PELI2: variants seen among roughly 807,000 people sequenced by gnomAD.
PELI2 encodes pellino E3 ubiquitin protein ligase family member 2, also known as E3 ubiquitin-protein ligase pellino homolog 2.
PELI2 carries 23 observed loss-of-function variants against 42.3 expected under a neutral mutation model. That is an observed-to-expected ratio of 0.54 (90% CI 0.39 to 0.77). The LOEUF (loss-of-function observed/expected upper bound fraction) is 0.77. Ranked by LOEUF, PELI2 falls within the 30% of genes least tolerant of loss-of-function variation. The pLI, the probability that PELI2 is intolerant of heterozygous loss-of-function variation, is 0.00. For missense variants in PELI2, 463 were observed against 553.2 expected (o/e 0.84, Z 1.64); for synonymous variants, 245 against 212.2 (o/e 1.15, Z -1.34).
chr14:56,194,999 G>A (rs1253352803), intron 2 of PELI2, among the ~76,000 whole-genome samples: 1 of 152,156 alleles, frequency 6.6e-6, no homozygotes, highest in Admixed American at 6.5e-5. Flanking sequence ...TAATGAATGT[G>A]GGATAATTCA....
intron 2 of PELI2, among the ~76,000 whole-genome samples, chr14:56,242,748 A>T (rs903442454): frequency 2.0e-5 from 3 of 152,270 alleles, no homozygotes; most frequent in African/African-American, 7.2e-5. Flanking sequence ...GAAGTAACTC[A>T]GGAATGGAAA....
chr14:56,276,978 TATAA>T (rs1379253949), intron 2 of PELI2, among the ~76,000 whole-genome samples: 1 of 152,224 alleles, frequency 6.6e-6, no homozygotes, highest in Non-Finnish European at 1.5e-5. Flanking sequence ...ATGCTTTCGC[TATAA>T]ATACCCTTTT....
chr14:56,275,199 G>A (rs1257396043), intron 2 of PELI2, among the ~76,000 whole-genome samples: 1 of 152,088 alleles, frequency 6.6e-6, no homozygotes, highest in Non-Finnish European at 1.5e-5. Context: ...GAACAGAGGT[G>A]GCGACCTGCG....
intron 2 of PELI2, among the ~76,000 whole-genome samples, chr14:56,181,162 C>T (rs1427157599): frequency 1.3e-5 from 2 of 152,010 alleles, no homozygotes; most frequent in Non-Finnish European, 2.9e-5. Context: ...TTTGGATATA[C>T]TTCCTTATCT....
intron 2 of PELI2, among the ~76,000 whole-genome samples, chr14:56,183,835 A>G (rs753318324): frequency 1.3e-5 from 2 of 152,256 alleles, no homozygotes; most frequent in South Asian, 4.1e-4. Context: ...AATGAGAAAT[A>G]CTTACATGAA....
In PELI2 at chr14:56,184,926, A is replaced by G. The variant is rs558069707; in HGVS notation, c.207+6462A>G. ...GTAACAATTAACAGATGACTTGGAA[A>G]TGAGTCACATGATTTGATGAATGGT... On this transcript the variant is annotated intron_variant, in intron 2 of 5. Coordinates refer to ENST00000267460, the MANE Select transcript of PELI2 (RefSeq NM_021255.3). 8.5e-5 allele frequency among the ~76,000 whole-genome samples: 13 copies of G among 152,248 alleles called. No individual in the cohort carries two copies. In the South Asian group the frequency reaches 1.7e-3, roughly 19 times the overall value.
rs746040757 is a variant in PELI2 at position 56,296,603 on chromosome 14, G to A, written c.700G>A (p.Glu234Lys). 5 of 1,591,694 alleles carry A rather than the reference G, an allele frequency of 3.1e-6. No individual in the cohort carries two copies. In the East Asian group the frequency reaches 6.7e-5, roughly 21 times the overall value. Residue 234 changes from glutamate (E) to lysine (K), a missense_variant, in exon 6 of 6, where the codon GAA (glutamate) becomes AAA (lysine). Glu to Lys is a moderately conservative substitution (Grantham distance 56, BLOSUM62 1). Around this residue, in one of 3 missense-constraint regions of PELI2, gnomAD observed 343 missense variants for 378.4 expected, o/e 0.91. Coordinates refer to ENST00000267460, the MANE Select transcript of PELI2 (RefSeq NM_021255.3). ...ATGTGTCTCAAACTTGTTGTAGGTG[G>A]AAAGTGAGACCAACGTCCTGCAGGA... Reference protein sequence around the residue: ...RSAQQRGKLVESETNVLQDGS... With the variant: ...RSAQQRGKLVKSETNVLQDGS...
rs1042903932 is a variant in PELI2, at chr14:56,178,509, A to G, written c.207+45A>G. Reference sequence around the variant, plus strand: ...GTTGGGAGGGTGCTGGCAAACAGTGACTCACAGATACTCCTTGTCCGCTGC... The same window carrying G: ...GTTGGGAGGGTGCTGGCAAACAGTGGCTCACAGATACTCCTTGTCCGCTGC... On this transcript the variant is annotated intron_variant, in intron 2 of 5. Transcript: ENST00000267460. 4 of 1,597,536 alleles carry G rather than the reference A, an allele frequency of 2.5e-6. No homozygotes were observed. In the Admixed American group the frequency reaches 5.0e-5, roughly 20 times the overall value.
At chr14:56,164,183 A>G (rs1029188613) in intron 1 of PELI2, among the ~76,000 whole-genome samples, 1 of 152,114 alleles carries the variant, frequency 6.6e-6, no homozygotes, top group Non-Finnish European at 1.5e-5. Flanking sequence ...TGGGTCTGTC[A>G]TATATAGCTC....
intron 3 of PELI2, 75 bp downstream of exon 3, chr14:56,279,852 C>A: frequency 4.3e-6 from 3 of 693,038 alleles, no homozygotes; most frequent in Non-Finnish European, 5.0e-6. Context: ...GTAATCAGAT[C>A]TTCCAGCCCA....
intron 1 of PELI2, among the ~76,000 whole-genome samples, chr14:56,169,174 G>A (rs956586045): frequency 1.3e-5 from 2 of 152,138 alleles, no homozygotes; most frequent in African/African-American, 4.8e-5. Context: ...AACACTCCCT[G>A]GGCTGTTCCA....
At chr14:56,262,922 T>A (rs985896000) in intron 2 of PELI2, among the ~76,000 whole-genome samples, 4 of 152,192 alleles carry the variant, frequency 2.6e-5, no homozygotes, top group African/African-American at 9.6e-5. Context: ...ACCCAAATTT[T>A]TTTTTAGTGA....
At chr14:56,182,170 A>T (rs1566624330) in intron 2 of PELI2, among the ~76,000 whole-genome samples, 1 of 152,198 alleles carries the variant, frequency 6.6e-6, no homozygotes, top group South Asian at 2.1e-4. Context: ...AAGGACCTCT[A>T]AAAAAGTGGT....
intron 2 of PELI2, among the ~76,000 whole-genome samples, chr14:56,210,145 GTATT>G (rs778311996): frequency 6.6e-6 from 1 of 151,896 alleles, no homozygotes; most frequent in African/African-American, 2.4e-5. Context: ...GCATGCCAAA[GTATT>G]TAGGAGTGAA....
intron 1 of PELI2, among the ~76,000 whole-genome samples, chr14:56,164,251 AG>A (rs1457845265): frequency 6.6e-6 from 1 of 152,132 alleles, no homozygotes; most frequent in Non-Finnish European, 1.5e-5. Context: ...TTTATCATGA[AG>A]GGATGTTGAA....
intron 2 of PELI2, among the ~76,000 whole-genome samples, chr14:56,210,041 G>T (rs892147535): frequency 1.3e-5 from 2 of 152,142 alleles, no homozygotes; most frequent in Non-Finnish European, 1.5e-5. Context: ...TTGAATGTGG[G>T]TGTATATTAG....
chr14:56,228,382 G>T (rs568624205), intron 2 of PELI2, among the ~76,000 whole-genome samples: 1 of 152,086 alleles, frequency 6.6e-6, no homozygotes, highest in African/African-American at 2.4e-5. Flanking sequence ...TAAAACCCTG[G>T]AGAATTAGAC....
intron 1 of PELI2, among the ~76,000 whole-genome samples, chr14:56,131,228 T>C (rs1883470845): frequency 6.6e-6 from 1 of 152,194 alleles, no homozygotes; most frequent in African/African-American, 2.4e-5. Context: ...CTTATTGTAT[T>C]AGCTTAGACC....
At chr14:56,226,646 C>G (rs1013374417) in intron 2 of PELI2, among the ~76,000 whole-genome samples, 5 of 152,110 alleles carry the variant, frequency 3.3e-5, no homozygotes, top group Non-Finnish European at 5.9e-5. Flanking sequence ...TGCCATGGCA[C>G]TTGTGTTAAG....
Sources: gnomAD v4.1 joint callset for allele counts (sites outside exome capture counted in the v4.1 genomes callset) on GRCh38, gnomAD v4.1.1 for gene constraint, gnomAD v4.1.1 regional missense constraint, MANE v1.5 for transcripts, NCBI Gene and HGNC (gene_info 2026-07-23, HGNC 2026-07-21) for gene names.